ZBTB7C: variants seen among roughly 807,000 people sequenced by gnomAD.
ZBTB7C encodes zinc finger and BTB domain containing 7C.
ZBTB7C carries 8 observed loss-of-function variants against 25.7 expected under a neutral mutation model. The observed-to-expected ratio is 0.31, with a 90% CI of 0.18 to 0.56. ZBTB7C has a LOEUF of 0.56. Among genes scored for constraint, ZBTB7C ranks in the 20% least tolerant of loss-of-function variants. ZBTB7C has a pLI of 0.91. For synonymous variants in ZBTB7C, 394 were observed against 369.0 expected (o/e 1.07, Z -0.78); for missense variants, 824 against 855.2 (o/e 0.96, Z 0.46).
chr18:48,027,446 T>C lies in ZBTB7C; in HGVS notation c.*1814A>G, dbSNP rs1203168531. ...GGGGGGAACACGGGGGCACGTTGGC[T>C]GGTGGACATGGGCATGCTTCAGAGA... On this transcript the variant is annotated 3_prime_UTR_variant, in exon 5 of 5. Transcript: ENST00000590800. The C allele has an allele frequency of 2.0e-5, 3 of 151,778 alleles. No individual in the cohort carries two copies. Among genetic ancestry groups the C allele is most frequent in the Admixed American group, 2.0e-4 (3 of 15,236 alleles). 9.4% of individuals were successfully genotyped at this position (151,778 alleles called of 1,614,324 possible). A position where few individuals can be genotyped will look rare whatever the true frequency, so the allele number is the denominator to read the frequency against.
At chr18:48,032,520 C>T (rs772553831) in intron 4 of ZBTB7C, among the ~76,000 whole-genome samples, 11 of 148,648 alleles carry the variant, frequency 7.4e-5, no homozygotes, top group Non-Finnish European at 1.2e-4. Context: ...CTGCAAGCTC[C>T]GCATCCCGGG....
intron 3 of ZBTB7C, among the ~76,000 whole-genome samples, chr18:48,095,594 C>T (rs989342265): frequency 1.3e-5 from 2 of 152,034 alleles, no homozygotes; most frequent in African/African-American, 4.8e-5. Context: ...CCCTTGTCAT[C>T]CTAGCTACTC....
chr18:48,196,788 C>G (rs945102734), intron 2 of ZBTB7C, among the ~76,000 whole-genome samples: 1 of 152,188 alleles, frequency 6.6e-6, no homozygotes, highest in African/African-American at 2.4e-5. Context: ...ACCAACCAAC[C>G]AATCTCAAGT....
At chr18:48,162,324 C>G (rs1202942125) in intron 3 of ZBTB7C, 5 of 455,696 alleles carry the variant, frequency 1.1e-5, no homozygotes, top group Admixed American at 4.7e-5. Flanking sequence ...GAGGCAGGGC[C>G]GCACTGAAGC....
intron 4 of ZBTB7C, among the ~76,000 whole-genome samples, chr18:48,034,111 GCT>G (rs2035871082): frequency 6.6e-6 from 1 of 152,210 alleles, no homozygotes; most frequent in African/African-American, 2.4e-5. Context: ...CAAGAGCTGA[GCT>G]CTTAGTTACT....
chr18:48,411,903 T>C (rs1216159327), upstream of ZBTB7C, among the ~76,000 whole-genome samples: 2 of 152,254 alleles, frequency 1.3e-5, no homozygotes, highest in Admixed American at 6.5e-5. Context: ...GTGAGTGCTG[T>C]AAGATTTATT....
intron 3 of ZBTB7C, among the ~76,000 whole-genome samples, chr18:48,125,686 G>A (rs1024393771): frequency 5.3e-5 from 8 of 152,194 alleles, no homozygotes; most frequent in Admixed American, 1.3e-4. Flanking sequence ...CACCAGGGAA[G>A]AACTTTTAGA....
At position 48,356,049 on chromosome 18, in the gene ZBTB7C, T is replaced by C. The variant is rs2046970596; in HGVS notation, c.-303-17651A>G. On this transcript the variant is annotated intron_variant, in intron 1 of 4. Transcript: ENST00000590800. ...CCCAGAAGTCTTGAATCAGATGCTC[T>C]GGTGGTGGGGCCCAGCACCTGTTTT... Among the ~76,000 whole-genome samples, 5 of 63,890 alleles carry C rather than the reference T, an allele frequency of 7.8e-5. No individual in the cohort carries two copies. In the South Asian group the frequency reaches 3.1e-3, roughly 40 times the overall value. The allele number at this position is 63,890 out of a possible 152,430, so 41.9% of individuals were successfully genotyped here. A position where few individuals can be genotyped will look rare whatever the true frequency, so the allele number is the denominator to read the frequency against.
intron 3 of ZBTB7C, among the ~76,000 whole-genome samples, chr18:48,156,565 A>G (rs1468819673): frequency 1.3e-5 from 2 of 152,068 alleles, no homozygotes; most frequent in Non-Finnish European, 2.9e-5. Flanking sequence ...AATACTACTC[A>G]CTTTCCATTG....
chr18:48,039,456 G>A (rs12457845), intron 4 of ZBTB7C, among the ~76,000 whole-genome samples: 1 of 152,042 alleles, frequency 6.6e-6, no homozygotes, highest in Non-Finnish European at 1.5e-5. Flanking sequence ...TTAAGGTGCC[G>A]AGGACGGCCC....
intron 3 of ZBTB7C, among the ~76,000 whole-genome samples, chr18:48,169,169 G>C (rs2041376866): frequency 6.6e-6 from 1 of 152,188 alleles, no homozygotes; most frequent in Non-Finnish European, 1.5e-5. Flanking sequence ...TGCGGGTTAG[G>C]ATTCTACCTC....
chr18:48,190,604 C>CATA, intron 2 of ZBTB7C, among the ~76,000 whole-genome samples: 1 of 152,296 alleles, frequency 6.6e-6, no homozygotes, highest in Middle Eastern at 3.4e-3. Flanking sequence ...ATTTAGCCTG[C>CATA]ATGACATCCT....
chr18:48,142,504 C>T (rs114133044), intron 3 of ZBTB7C, among the ~76,000 whole-genome samples: 1,532 of 152,266 alleles, frequency 0.01, 33 homozygotes, highest in African/African-American at 0.035. Flanking sequence ...GTAGGCTGTG[C>T]GGGGTCCCAG....
rs2035614877 is a variant in ZBTB7C, at chr18:48,029,136, T to C, written c.*124A>G. ...AAAATGCCATCACTGATAGTATTATTATTATTTTCCCATTTTCCCTTTGTG... is the reference window on the plus strand; with the variant it reads ...AAAATGCCATCACTGATAGTATTATCATTATTTTCCCATTTTCCCTTTGTG... On this transcript the variant is annotated 3_prime_UTR_variant, in exon 5 of 5. Coordinates refer to ENST00000590800, the MANE Select transcript of ZBTB7C (RefSeq NM_001318841.2). The C allele has an allele frequency of 3.1e-6, 4 of 1,282,292 alleles. No homozygotes were observed. The highest frequency in any genetic ancestry group is 1.6e-5 in the African/African-American group (1 of 62,820). The allele number at this position is 1,282,292 out of a possible 1,614,324, so 79.4% of individuals were successfully genotyped here. A position where few individuals can be genotyped will look rare whatever the true frequency, so the allele number is the denominator to read the frequency against.
At chr18:48,209,493 A>G (rs2042653436) in intron 2 of ZBTB7C, among the ~76,000 whole-genome samples, 1 of 152,216 alleles carries the variant, frequency 6.6e-6, no homozygotes, top group East Asian at 1.9e-4. Context: ...ATAGTGGTTT[A>G]CCCGTAATCC....
chr18:48,053,726 A>G (rs370409232), intron 3 of ZBTB7C, among the ~76,000 whole-genome samples: 11 of 152,196 alleles, frequency 7.2e-5, no homozygotes, highest in African/African-American at 2.7e-4. Context: ...CTGGAGAAAC[A>G]TGGATGAAAG....
chr18:48,323,052 G>C (rs979844412), intron 2 of ZBTB7C, among the ~76,000 whole-genome samples: 1 of 152,196 alleles, frequency 6.6e-6, no homozygotes, highest in African/African-American at 2.4e-5. Flanking sequence ...CAGGGGAAAG[G>C]GTGGGAGGGG....
At chr18:48,060,280 G>A (rs2037078188) in intron 3 of ZBTB7C, among the ~76,000 whole-genome samples, 1 of 152,208 alleles carries the variant, frequency 6.6e-6, no homozygotes, top group Admixed American at 6.5e-5. Flanking sequence ...ATATGCTACA[G>A]TTCTCTGGAA....
intron 1 of ZBTB7C, among the ~76,000 whole-genome samples, chr18:48,359,129 A>G (rs970972743): frequency 1.3e-5 from 2 of 152,178 alleles, no homozygotes; most frequent in Non-Finnish European, 2.9e-5. Context: ...CCAGCCCCCA[A>G]CAAAGGGCAC....
Sources: allele counts gnomAD v4.1 joint callset (sites outside exome capture counted in the v4.1 genomes callset), GRCh38; gene constraint gnomAD v4.1.1; transcripts MANE v1.5; gene names NCBI Gene and HGNC (gene_info 2026-07-23, HGNC 2026-07-21).